KIAA0753: variants seen among roughly 807,000 people sequenced by gnomAD.
The protein encoded by KIAA0753 is KIAA0753.
KIAA0753 carries 114 observed loss-of-function variants against 116.9 expected under a neutral mutation model. That is an observed-to-expected ratio of 0.98 (90% CI 0.84 to 1.14). The LOEUF (loss-of-function observed/expected upper bound fraction) is 1.14, where lower values mean the gene tolerates loss of function less well. Among genes scored for constraint, KIAA0753 ranks in the 50% most tolerant of loss-of-function variants. KIAA0753 has a pLI of 0.00. For missense variants in KIAA0753, 1,156 were observed against 1,172.4 expected (o/e 0.99, Z 0.20); for synonymous variants, 405 against 413.1 (o/e 0.98, Z 0.24).
rs761814484 is a variant in KIAA0753, at chr17:6,589,802, G to A, written c.2763C>T (p.Phe921=). Residue 921 remains phenylalanine, a synonymous_variant, in exon 18 of 19, where the codon TTC becomes TTT. Coordinates refer to ENST00000361413, the MANE Select transcript of KIAA0753 (RefSeq NM_014804.3). ...ACCTTTCAGCTATCAGCCACGGGTT[G>A]AAGGAGCCTACAGCCTCATGAGATA... is the stretch of plus-strand genomic sequence containing the variant. ...RIISHEAVGS[F]NPWLIAESFS... is the part of the protein sequence containing the mutation. 6.2e-7 allele frequency: 1 copy of A among 1,611,192 alleles called. No homozygotes were observed. The highest frequency in any genetic ancestry group is 1.1e-5 in the South Asian group (1 of 90,468).
chr17:6,607,129 A>C, intron 11 of KIAA0753, 52 bp downstream of exon 11: 1 of 1,431,922 alleles, frequency 7.0e-7, no homozygotes. Context: ...TAATGTATAG[A>C]GATGTAGAAT....
rs1170255055 is a variant in KIAA0753, at chr17:6,629,650, G to A, written c.94-909C>T. 5.3e-5 allele frequency among the ~76,000 whole-genome samples: 8 copies of A among 152,264 alleles called. No individual in the cohort carries two copies. In the South Asian group the frequency reaches 1.4e-3, roughly 28 times the overall value. On this transcript the variant is annotated intron_variant, in intron 2 of 18. Coordinates refer to ENST00000361413, the MANE Select transcript of KIAA0753 (RefSeq NM_014804.3). Reference sequence around the variant, plus strand: ...TGTCAAAGACCGGTCAATAGCCTGAGGAGAATCCATGCCTACAAATTCAAT... The same window carrying A: ...TGTCAAAGACCGGTCAATAGCCTGAAGAGAATCCATGCCTACAAATTCAAT...
At chr17:6,605,961 G>A (rs1375166182) in intron 12 of KIAA0753, among the ~76,000 whole-genome samples, 1 of 152,216 alleles carries the variant, frequency 6.6e-6, no homozygotes, top group Non-Finnish European at 1.5e-5. Flanking sequence ...AAGTGGGTAA[G>A]AGTCACAGAG....
rs772091221 is a variant in KIAA0753, at chr17:6,610,125, T to C, written c.1581A>G (p.Gln527=). Residue 527 remains glutamine, a synonymous_variant, in exon 9 of 19, where the codon CAA becomes CAG. Coordinates refer to ENST00000361413, the MANE Select transcript of KIAA0753 (RefSeq NM_014804.3). ...GCTGCACTCTGCTTTTACTGTGAGG[T>C]TGGCTTTGTCTACCTCTTTCAGCTT... The part of the protein sequence containing the change: ...LRKAERGRQS[Q]PHSKSRVQQT... The C allele has an allele frequency of 2.5e-6, 4 of 1,614,032 alleles. No individual in the cohort carries two copies. The highest frequency in any genetic ancestry group is 1.3e-5 in the African/African-American group (1 of 74,908).
At chr17:6,613,636 A>T (rs1390744206) in intron 7 of KIAA0753, among the ~76,000 whole-genome samples, 4 of 152,230 alleles carry the variant, frequency 2.6e-5, no homozygotes, top group African/African-American at 9.6e-5. Context: ...AGTGAGTCTG[A>T]ACTGAATTGT....
At chr17:6,584,484 C>T (rs990515073) in intron 18 of KIAA0753, among the ~76,000 whole-genome samples, 4 of 152,098 alleles carry the variant, frequency 2.6e-5, no homozygotes, top group African/African-American at 9.7e-5. Flanking sequence ...TAATTTATAC[C>T]CAAACTGTGA....
At chr17:6,631,518 G>C (rs1459625350) in intron 2 of KIAA0753, among the ~76,000 whole-genome samples, 1 of 152,046 alleles carries the variant, frequency 6.6e-6, no homozygotes, top group Non-Finnish European at 1.5e-5. Flanking sequence ...GTGTGAACTT[G>C]TGAGTTTTAA....
rs528839271 is a variant in KIAA0753, at chr17:6,593,405, C to T, written c.2440+1567G>A. 2.2e-3 allele frequency among the ~76,000 whole-genome samples: 330 copies of T among 151,816 alleles called. 2 individuals are homozygous for T. The highest frequency in any genetic ancestry group is 7.2e-3 in the African/African-American group (295 of 41,112). ...TCGGGAGGCCGGGAGCAGTGGTTCA[C>T]GCCTGTAATCCCAGCACTTCGGGAG... On this transcript the variant is annotated intron_variant, in intron 16 of 18. Coordinates refer to ENST00000361413, the MANE Select transcript of KIAA0753 (RefSeq NM_014804.3).
intron 3 of KIAA0753, 129 bp downstream of exon 3, chr17:6,627,988 A>G: frequency 2.4e-6 from 2 of 846,680 alleles, no homozygotes; most frequent in Non-Finnish European, 3.7e-6. Flanking sequence ...GAGTACTCAC[A>G]CTCCAGTGAA....
At chr17:6,621,847 A>G (rs1406527642) in intron 6 of KIAA0753, among the ~76,000 whole-genome samples, 1 of 152,230 alleles carries the variant, frequency 6.6e-6, no homozygotes, top group African/African-American at 2.4e-5. Flanking sequence ...AAAAAGCATC[A>G]CATGACTTGA....
chr17:6,590,431 G>T, intron 17 of KIAA0753, 79 bp downstream of exon 17: 1 of 1,538,824 alleles, frequency 6.5e-7, no homozygotes. Context: ...CTGTCTTATG[G>T]GAACTGAAAG....
intron 6 of KIAA0753, 85 bp from the exon 7 acceptor site, chr17:6,621,083 G>T: frequency 4.0e-6 from 5 of 1,235,452 alleles, no homozygotes; most frequent in Non-Finnish European, 5.7e-6. Context: ...AAGGACTCCA[G>T]GGAAATGTGT....
rs773610474 is a variant in KIAA0753 at position 6,608,460 on chromosome 17, C to T, written c.1717G>A (p.Ala573Thr). Residue 573 changes from alanine to threonine, a missense_variant, in exon 10 of 19, where the codon GCA becomes ACA. Coordinates refer to ENST00000361413, the MANE Select transcript of KIAA0753 (RefSeq NM_014804.3). ...GGGCTAGTTTTCACCTTTAGCCATG[C>T]AGCACTGAAATAAATGGAAAAGCAT... is the stretch of plus-strand genomic sequence containing the variant. ...TSPPASPKCAAWLKVKTSPRD... is the reference protein window; with the variant it reads ...TSPPASPKCATWLKVKTSPRD... 14 of 1,523,080 alleles carry T rather than the reference C, an allele frequency of 9.2e-6. No homozygotes were observed. In the Admixed American group the frequency reaches 1.6e-4, roughly 17 times the overall value. 94.3% of individuals were successfully genotyped at this position (1,523,080 alleles called of 1,614,324 possible). A position where few individuals can be genotyped will look rare whatever the true frequency, so the allele number is the denominator to read the frequency against.
rs1180514522 is a variant in KIAA0753, at chr17:6,623,001, G to A, written c.985C>T (p.Leu329Phe). ...TQFTDRGEHP[L>F]PARCKELGSL... is the part of the protein sequence containing the mutation. ...CCCAGTTCCTTACACCGAGCAGGAA[G>A]TGGATGCTCCCCTCGGTCAGTAAAC... The change falls in exon 6 of 19, where the codon CTT (leucine) becomes TTT (phenylalanine). Residue 329 changes from leucine to phenylalanine, a missense_variant. Leu to Phe is a conservative substitution (Grantham distance 22). Coordinates refer to ENST00000361413, the MANE Select transcript of KIAA0753 (RefSeq NM_014804.3). 1 of 1,614,054 alleles carries A rather than the reference G, an allele frequency of 6.2e-7. No individual in the cohort carries two copies. Among genetic ancestry groups the A allele is most frequent in the Non-Finnish European group, 8.5e-7 (1 of 1,180,014 alleles).
At chr17:6,595,376 T>TTAA (rs1969390068) in intron 15 of KIAA0753, among the ~76,000 whole-genome samples, 1 of 152,198 alleles carries the variant, frequency 6.6e-6, no homozygotes, top group Non-Finnish European at 1.5e-5. Flanking sequence ...AATTTACAGT[T>TTAA]TAATAAGCAC....
intron 16 of KIAA0753, among the ~76,000 whole-genome samples, chr17:6,594,093 T>C (rs148857353): frequency 6.0e-4 from 91 of 152,282 alleles, no homozygotes; most frequent in Middle Eastern, 3.4e-3. Context: ...TAGGTATTTA[T>C]CCAAGAGAAA....
chr17:6,583,773 T>A (rs117643589), intron 18 of KIAA0753, among the ~76,000 whole-genome samples: 2,343 of 152,364 alleles, frequency 0.015, 20 homozygotes, highest in Non-Finnish European at 0.022. Context: ...CTAGGCACAG[T>A]TATTTTAATG....
Position 6,579,296 on chromosome 17 carries a change from A to T in KIAA0753, c.*451T>A, listed in dbSNP as rs1036561671. The T allele has an allele frequency of 1.3e-5, 2 of 158,966 alleles. No homozygotes were observed. Among genetic ancestry groups the T allele is most frequent in the African/African-American group, 4.8e-5 (2 of 41,642 alleles). 9.8% of individuals were successfully genotyped at this position (158,966 alleles called of 1,614,324 possible). A position where few individuals can be genotyped will look rare whatever the true frequency, so the allele number is the denominator to read the frequency against. ...AGGTCCTGACAGGAAATCGCCAAAG[A>T]TGCAAAACAGGGGCCCCGTGATGGG... is the stretch of plus-strand genomic sequence containing the variant. On this transcript the variant is annotated 3_prime_UTR_variant, in exon 19 of 19. Coordinates refer to ENST00000361413, the MANE Select transcript of KIAA0753 (RefSeq NM_014804.3).
chr17:6,600,243 TGTG>T, intron 13 of KIAA0753, 134 bp downstream of exon 13: 2 of 680,362 alleles, frequency 2.9e-6, no homozygotes, highest in Non-Finnish European at 5.3e-6. Flanking sequence ...ATCAGTAGTG[TGTG>T]GTGGTCTGGG....
Sources: gnomAD v4.1 joint callset for allele counts (sites outside exome capture counted in the v4.1 genomes callset) on GRCh38, gnomAD v4.1.1 for gene constraint, MANE v1.5 for transcripts, NCBI Gene and HGNC (gene_info 2026-07-23, HGNC 2026-07-21) for gene names.